KLHL32: variants seen among roughly 807,000 people sequenced by gnomAD.
The protein encoded by KLHL32 is kelch-like protein 32.
Under a neutral mutation model 64.8 loss-of-function variants are expected in KLHL32, and 35 were observed. The observed-to-expected ratio is 0.54, with a 90% CI of 0.41 to 0.72. The LOEUF (loss-of-function observed/expected upper bound fraction) is 0.72. Ranked by LOEUF, KLHL32 falls within the 30% of genes least tolerant of loss-of-function variation. The pLI is 0.00. For missense variants in KLHL32, 589 were observed against 768.5 expected, an observed-to-expected ratio of 0.77 and a Z score of 2.76; for synonymous variants, 259 against 281.0, an observed-to-expected ratio of 0.92 and a Z score of 0.78.
At chr6:97,118,842 C>G (rs568908171) in intron 7 of KLHL32, among the ~76,000 whole-genome samples, 2 of 152,066 alleles carry the variant, frequency 1.3e-5, no homozygotes, top group African/African-American at 4.8e-5. Context: ...GTAGAGGGAA[C>G]AGACTTTTAA....
chr6:97,113,043 A>G (rs1329379059), intron 6 of KLHL32, among the ~76,000 whole-genome samples: 1 of 152,064 alleles, frequency 6.6e-6, no homozygotes, highest in Non-Finnish European at 1.5e-5. Context: ...TATTATGTTC[A>G]TAATACAAAG....
intron 5 of KLHL32, among the ~76,000 whole-genome samples, chr6:97,076,156 T>C (rs1791561285): frequency 6.6e-6 from 1 of 152,200 alleles, no homozygotes; most frequent in South Asian, 2.1e-4. Context: ...TGTCTCTATC[T>C]GTTCTCCCTG....
intron 10 of KLHL32, among the ~76,000 whole-genome samples, chr6:97,135,985 A>C (rs965799310): frequency 2.0e-5 from 3 of 152,226 alleles, no homozygotes; most frequent in Non-Finnish European, 4.4e-5. Context: ...TAAGTATGTC[A>C]GTGGGTTGAG....
chr6:97,061,870 C>T (rs1163952913), intron 4 of KLHL32, among the ~76,000 whole-genome samples: 1 of 152,128 alleles, frequency 6.6e-6, no homozygotes, highest in Admixed American at 6.5e-5. Context: ...TATATTCGAA[C>T]AGTCAGTCAC....
chr6:97,137,727 G>A (rs934398450), intron 10 of KLHL32, among the ~76,000 whole-genome samples: 19 of 152,148 alleles, frequency 1.2e-4, no homozygotes, highest in African/African-American at 4.6e-4. Flanking sequence ...GTAGAGACAG[G>A]GTTTCACCAT....
chr6:97,096,157 TAA>T (rs1439417110), intron 6 of KLHL32, among the ~76,000 whole-genome samples: 1 of 152,190 alleles, frequency 6.6e-6, no homozygotes, highest in Non-Finnish European at 1.5e-5. Context: ...TAAAATGGCA[TAA>T]GTTTTATATA....
chr6:96,903,629 A>G, the KLHL32 span, among the ~76,000 whole-genome samples: 1 of 152,212 alleles, frequency 6.6e-6, no homozygotes, highest in Non-Finnish European at 1.5e-5. Flanking sequence ...TCCCACCACC[A>G]TAAGGAACTT....
chr6:96,953,778 CTA>C (rs1254809190), intron 1 of KLHL32, among the ~76,000 whole-genome samples: 1 of 142,396 alleles, frequency 7.0e-6, no homozygotes, highest in East Asian at 2.0e-4. Flanking sequence ...TTATGACAAT[CTA>C]AATGTTATTT....
chr6:96,986,653 G>C (rs1340132586), intron 3 of KLHL32, among the ~76,000 whole-genome samples: 1 of 152,222 alleles, frequency 6.6e-6, no homozygotes, highest in Non-Finnish European at 1.5e-5. Context: ...GGCTTCGTGG[G>C]TGTAGGACCC....
intron 6 of KLHL32, among the ~76,000 whole-genome samples, chr6:97,103,387 G>A (rs550235283): frequency 6.6e-6 from 1 of 151,868 alleles, no homozygotes; most frequent in African/African-American, 2.4e-5. Context: ...GTAATTTTTT[G>A]TATTTTTGGT....
intron 4 of KLHL32, among the ~76,000 whole-genome samples, chr6:97,056,570 C>T (rs192465718): frequency 9.6e-4 from 146 of 152,304 alleles, no homozygotes; most frequent in African/African-American, 3.5e-3. Context: ...CCTGTTTAAT[C>T]CAACTAGCTT....
Position 97,114,126 on chromosome 6 carries a change from C to T in KLHL32, c.971C>T (p.Ala324Val). The T allele has an allele frequency of 2.5e-6, 4 of 1,614,190 alleles. No individual in the cohort carries two copies. The highest frequency in any genetic ancestry group is 3.4e-6 in the Non-Finnish European group (4 of 1,180,036). ...GAGAATGCTCTCATAGCTGCCATTGCCAACTGGAGTGAGCTGGCTCCCATG... is the reference window on the plus strand; with the variant it reads ...GAGAATGCTCTCATAGCTGCCATTGTCAACTGGAGTGAGCTGGCTCCCATG... ...DQENALIAAI[A>V]NWSELAPMPV... The change falls in exon 7 of 11, where the codon GCC becomes GTC. Residue 324 changes from alanine (A) to valine (V), a missense_variant. Coordinates refer to ENST00000369261, the MANE Select transcript of KLHL32 (RefSeq NM_052904.4).
At chr6:96,994,924 C>T (rs1778255288) in intron 3 of KLHL32, among the ~76,000 whole-genome samples, 1 of 152,120 alleles carries the variant, frequency 6.6e-6, no homozygotes, top group South Asian at 2.1e-4. Context: ...GCAGCAGGGA[C>T]CTAATCTGTC....
At chr6:96,989,138 C>T (rs892274075) in intron 3 of KLHL32, among the ~76,000 whole-genome samples, 29 of 152,238 alleles carry the variant, frequency 1.9e-4, no homozygotes, top group Middle Eastern at 6.8e-3. Flanking sequence ...ATTTTCCTTT[C>T]ATTGTGTTGT....
At chr6:97,047,212 T>G (rs1458637742) in intron 4 of KLHL32, among the ~76,000 whole-genome samples, 2 of 152,268 alleles carry the variant, frequency 1.3e-5, no homozygotes, top group African/African-American at 4.8e-5. Flanking sequence ...ATGCATGCAT[T>G]TCCTATCAAG....
intron 1 of KLHL32, among the ~76,000 whole-genome samples, chr6:96,930,049 T>C (rs1313959143): frequency 6.6e-6 from 1 of 152,164 alleles, no homozygotes; most frequent in East Asian, 1.9e-4. Flanking sequence ...ACCAGTTACT[T>C]AGAAGCAGGC....
intron 4 of KLHL32, among the ~76,000 whole-genome samples, chr6:97,055,026 C>T (rs2128140225): frequency 6.6e-6 from 1 of 152,320 alleles, no homozygotes; most frequent in African/African-American, 2.4e-5. Context: ...AGAATCAATT[C>T]TGCTGGTTGG....
At chr6:97,048,703 A>G (rs1786333575) in intron 4 of KLHL32, among the ~76,000 whole-genome samples, 1 of 152,190 alleles carries the variant, frequency 6.6e-6, no homozygotes, top group Admixed American at 6.5e-5. Flanking sequence ...GGGAGACCTG[A>G]GCATCAGGCC....
chr6:97,019,612 T>C (rs1361770372), intron 3 of KLHL32, among the ~76,000 whole-genome samples: 2 of 152,196 alleles, frequency 1.3e-5, no homozygotes, highest in Non-Finnish European at 2.9e-5. Context: ...TGAAGAATTC[T>C]TCATTAAAGA....
Sources: allele counts gnomAD v4.1 joint callset (sites outside exome capture counted in the v4.1 genomes callset), GRCh38; gene constraint gnomAD v4.1.1; transcripts MANE v1.5; gene names NCBI Gene and HGNC (gene_info 2026-07-23, HGNC 2026-07-21).